ADPRHL1: variants seen among roughly 807,000 people sequenced by gnomAD.
ADPRHL1 encodes the protein ADP-ribosylhydrolase like 1.
In ADPRHL1, 43 loss-of-function variants were observed where a neutral mutation model predicts 44.1. The ratio of observed to expected loss-of-function variants is 0.98; its 90% CI spans 0.76 to 1.26. The LOEUF (loss-of-function observed/expected upper bound fraction) is 1.26. Ranked by LOEUF, ADPRHL1 falls within the 50% of genes most tolerant of loss-of-function variation. The probability of loss-of-function intolerance (pLI) is 0.00; values close to 1 mark genes in which losing one functional copy is unlikely to be tolerated. For synonymous variants in ADPRHL1, 878 were observed against 1,017.4 expected, an observed-to-expected ratio of 0.86 and a Z score of 2.61; for missense variants, 2,022 against 2,496.9, an observed-to-expected ratio of 0.81 and a Z score of 4.05.
In ADPRHL1 at chr13:113,424,304, G is replaced by A. The variant is rs779414316; in HGVS notation, c.820C>T (p.His274Tyr). 1.2e-5 allele frequency: 19 copies of A among 1,612,780 alleles called. No homozygotes were observed. The highest frequency in any genetic ancestry group is 3.3e-5 in the South Asian group (3 of 91,094). ...TCATAGGCTATCATGGGGGCATCGT[G>A]GCCTCGTCTTCCCCCTCGACCTTCC... Reference protein sequence around the residue: ...SSEGRGGRRGHDAPMIAYDAL... With the variant: ...SSEGRGGRRGYDAPMIAYDAL... Residue 274 changes from histidine (H) to tyrosine (Y), a missense_variant, in exon 6 of 8, where the codon CAC becomes TAC. Transcript: ENST00000612156.
At chr13:113,424,679 T>C (rs74492734) in intron 5 of ADPRHL1, among the ~76,000 whole-genome samples, 31 of 2,026 alleles carry the variant, frequency 0.015, no homozygotes, top group Non-Finnish European at 0.02. Flanking sequence ...TCACCATCCA[T>C]TCATCTATCC....
intron 2 of ADPRHL1, among the ~76,000 whole-genome samples, chr13:113,442,907 T>C (rs561658194): frequency 1.1e-4 from 16 of 152,364 alleles, no homozygotes; most frequent in African/African-American, 2.9e-4. Context: ...TCACCGTGGA[T>C]AGTTTCTGCT....
intron 7 of ADPRHL1, among the ~76,000 whole-genome samples, chr13:113,421,679 C>T (rs1438635724): frequency 6.6e-6 from 1 of 152,218 alleles, no homozygotes; most frequent in Non-Finnish European, 1.5e-5. Flanking sequence ...TGCCAGTCCA[C>T]TCACACAGGA....
chr13:113,436,399 C>T (rs1168657768), intron 2 of ADPRHL1, among the ~76,000 whole-genome samples: 3 of 27,030 alleles, frequency 1.1e-4, no homozygotes, highest in Non-Finnish European at 1.6e-4. Flanking sequence ...ACCCCGGGAC[C>T]CAGCACCCAG....
intron 7 of ADPRHL1, among the ~76,000 whole-genome samples, chr13:113,419,097 C>CCCTCCCTCCCTCCCTCCCTTCCTT (rs2043902822): frequency 4.5e-4 from 2 of 4,436 alleles, no homozygotes; most frequent in Non-Finnish European, 8.8e-4. Context: ...TTCCCTCCCT[C>CCCTCCCTCCCTCCCTCCCTTCCTT]CCTTTCTTTT....
rs1256309443 is a variant in ADPRHL1 at position 113,403,882 on chromosome 13, A to G, written c.5400T>C (p.Ala1800=). ...AGGCCTGTTCCCGACCCTGTTCCCA[A>G]GCCCGTTCCTGAGCCCCTTTCTGGG... The part of the protein sequence containing the change: ...RQTQKGAQER[A]WEQGREQALT... The change falls in exon 8 of 8, where the codon GCT becomes GCC. Residue 1800 remains alanine, a synonymous_variant. Transcript: ENST00000612156. 1 of 1,263,206 alleles carries G rather than the reference A, an allele frequency of 7.9e-7. No individual in the cohort carries two copies. Among genetic ancestry groups the G allele is most frequent in the South Asian group, 3.4e-5 (1 of 29,286 alleles). The allele number at this position is 1,263,206 out of a possible 1,614,324, so 78.2% of individuals were successfully genotyped here.
intron 4 of ADPRHL1, among the ~76,000 whole-genome samples, 180 bp from the exon 5 acceptor site, chr13:113,425,359 G>A (rs1187170982): frequency 6.6e-6 from 1 of 152,190 alleles, no homozygotes; most frequent in African/African-American, 2.4e-5. Flanking sequence ...ACAACTGAGA[G>A]ACTGTCCAGA....
In ADPRHL1 at chr13:113,399,820, A is replaced by G. The variant is rs1312825638; in HGVS notation, c.*3558T>C. On this transcript the variant is annotated 3_prime_UTR_variant, in exon 8 of 8. Transcript: ENST00000612156. ...ACAACCGAAAGACCGTAACTCCAAC[A>G]GCAGAGATACCCTGAGAACAGAATA... is the stretch of plus-strand genomic sequence containing the variant. The G allele has an allele frequency of 1.3e-5, 2 of 152,008 alleles. No individual in the cohort carries two copies. Among genetic ancestry groups the G allele is most frequent in the Non-Finnish European group, 2.9e-5 (2 of 67,954 alleles). 9.4% of individuals were successfully genotyped at this position (152,008 alleles called of 1,614,324 possible).
intron 7 of ADPRHL1, among the ~76,000 whole-genome samples, chr13:113,421,320 C>A (rs2043920266): frequency 1.4e-5 from 2 of 140,692 alleles, no homozygotes; most frequent in Non-Finnish European, 3.1e-5. Flanking sequence ...CACGCCCACC[C>A]CGGGACACGC....
rs563258892 is a variant in ADPRHL1 at position 113,409,471 on chromosome 13, G to A, written c.1062-1251C>T. On this transcript the variant is annotated intron_variant, in intron 7 of 7. Coordinates refer to ENST00000612156, the MANE Select transcript of ADPRHL1 (RefSeq NM_001394807.1). The surrounding 1 kb of genome is among the most constrained non-coding windows in gnomAD (Gnocchi z 4.2). Reference sequence around the variant, plus strand: ...ATGTTGAAAAATCTAGAGCATCCTCGATGTCCAACTCCAGGGCGGCCGCAC... The same window carrying A: ...ATGTTGAAAAATCTAGAGCATCCTCAATGTCCAACTCCAGGGCGGCCGCAC... 4.1e-6 allele frequency: 4 copies of A among 985,384 alleles called. No homozygotes were observed. The highest frequency in any genetic ancestry group is 6.1e-5 in the Admixed American group (1 of 16,276). The allele number at this position is 985,384 out of a possible 1,614,324, so 61.0% of individuals were successfully genotyped here.
At chr13:113,423,131 C>A (rs2043938909) in intron 6 of ADPRHL1, 152 bp from the exon 7 acceptor site, 1 of 1,069,970 alleles carries the variant, frequency 9.3e-7, no homozygotes, top group African/African-American at 1.6e-5. Flanking sequence ...GTGGCTCACG[C>A]CTGTCATCCC....
At position 113,450,962 on chromosome 13, in the gene ADPRHL1, C is replaced by CG. The variant is rs199904245; in HGVS notation, c.214+2261_214+2262insC. ...CCTGGGGAAAGGGAGACCCCCCCCCCCTTCCTGGTCTGCTAAGTAGCAGGT... is the reference window on the plus strand; with the variant it reads ...CCTGGGGAAAGGGAGACCCCCCCCCCGCTTCCTGGTCTGCTAAGTAGCAGGT... On this transcript the variant is annotated intron_variant, in intron 1 of 7. Transcript: ENST00000612156. Among the ~76,000 whole-genome samples the CG allele has an allele frequency of 4.7e-4, 71 of 151,810 alleles. 1 individual carries two copies. The South Asian group carries it at 5.0e-3, about 11-fold the overall frequency.
Position 113,403,835 on chromosome 13 carries a change from C to T in ADPRHL1, c.5447G>A (p.Arg1816Gln), listed in dbSNP as rs1018059902. ...EQALTSGMAPRAWEQPISGIA... is the reference protein window; with the variant it reads ...EQALTSGMAPQAWEQPISGIA... ...GCCACTAATGGGCTGCTCCCAGGCCCGAGGCGCCATCCCACTTGTCAAGGC... is the reference window on the plus strand; with the variant it reads ...GCCACTAATGGGCTGCTCCCAGGCCTGAGGCGCCATCCCACTTGTCAAGGC... The change falls in exon 8 of 8, where the codon CGG becomes CAG. Residue 1816 changes from arginine (R) to glutamine (Q), a missense_variant. Arg to Gln is a conservative substitution (Grantham distance 43). This residue lies in a region of ADPRHL1 where 205 missense variants were observed against 250.1 expected (regional missense o/e 0.82). Coordinates refer to ENST00000612156, the MANE Select transcript of ADPRHL1 (RefSeq NM_001394807.1). The T allele has an allele frequency of 1.0e-5, 12 of 1,152,388 alleles. No individual in the cohort carries two copies. Among genetic ancestry groups the T allele is most frequent in the Admixed American group, 5.1e-5 (1 of 19,682 alleles). The allele number at this position is 1,152,388 out of a possible 1,614,324, so 71.4% of individuals were successfully genotyped here.
intron 1 of ADPRHL1, among the ~76,000 whole-genome samples, chr13:113,451,818 CA>C (rs987758805): frequency 6.6e-6 from 1 of 151,964 alleles, no homozygotes; most frequent in Non-Finnish European, 1.5e-5. Context: ...AAAAAACAAA[CA>C]AAAAACAGTG....
At position 113,441,591 on chromosome 13, in the gene ADPRHL1, CCG is replaced by C. The variant is rs2044098978; in HGVS notation, c.379+2832_379+2833del. Among the ~76,000 whole-genome samples the C allele has an allele frequency of 6.6e-6, 1 of 152,118 alleles. No homozygotes were observed. Among genetic ancestry groups the C allele is most frequent in the African/African-American group, 2.4e-5 (1 of 41,400 alleles). ...TTCTACTTATATTTTATAAACCATA[CCG>C]TTCATTATTATTTTTAAGTCAATTA... On this transcript the variant is annotated intron_variant, in intron 2 of 7. Transcript: ENST00000612156. This position sits in a 1 kb window ranked among gnomAD's most constrained non-coding sequence, Gnocchi z 6.0.
rs1160162324 is a variant in ADPRHL1 at position 113,407,357 on chromosome 13, T to C, written c.1925A>G (p.His642Arg). Residue 642 changes from histidine (H) to arginine (R), a missense_variant, in exon 8 of 8, where the codon CAC (histidine) becomes CGC (arginine). By Grantham distance (29) the His-to-Arg change is conservative. Coordinates refer to ENST00000612156, the MANE Select transcript of ADPRHL1 (RefSeq NM_001394807.1). ...TCTGGGTGGACGCCTTGCCTCCGAG[T>C]GGCTGATTTTGGTGCAGTGGGACAG... ...SWLSHCTKIS[H>R]SEARRPPRGE... The C allele has an allele frequency of 1.6e-6, 2 of 1,231,686 alleles. No homozygotes were observed. Among genetic ancestry groups the C allele is most frequent in the Non-Finnish European group, 2.0e-6 (2 of 987,968 alleles). 76.3% of individuals were successfully genotyped at this position (1,231,686 alleles called of 1,614,324 possible).
chr13:113,414,734 G>A (rs1169938046), intron 7 of ADPRHL1, among the ~76,000 whole-genome samples: 5 of 151,136 alleles, frequency 3.3e-5, no homozygotes, highest in Non-Finnish European at 7.4e-5. Flanking sequence ...GGAGTGCAAT[G>A]GCGTGATCTC....
At chr13:113,449,910 G>A (rs1359522994) in intron 1 of ADPRHL1, among the ~76,000 whole-genome samples, 1 of 152,114 alleles carries the variant, frequency 6.6e-6, no homozygotes, top group African/African-American at 2.4e-5. Context: ...TCTGCCACTC[G>A]CTGGGCTGTG....
intron 7 of ADPRHL1, chr13:113,422,516 G>A (rs1172990417): frequency 1.3e-5 from 4 of 319,310 alleles, no homozygotes; most frequent in South Asian, 9.1e-5. Context: ...TTAGCTCTGC[G>A]ACAGAATAAA....
Sources: gnomAD v4.1 joint callset for allele counts (sites outside exome capture counted in the v4.1 genomes callset) on GRCh38, gnomAD v4.1.1 for gene constraint, gnomAD v4.1.1 regional missense constraint, Gnocchi (gnomAD v3.1) non-coding constraint, MANE v1.5 for transcripts, NCBI Gene and HGNC (gene_info 2026-07-23, HGNC 2026-07-21) for gene names.